Variants in JAG1 observed in about 807,000 individuals in gnomAD.
The protein encoded by JAG1 is protein jagged-1.
Under a neutral mutation model 148.7 loss-of-function variants are expected in JAG1, and 23 were observed. The observed-to-expected ratio is 0.15, with a 90% CI of 0.11 to 0.22. The LOEUF (loss-of-function observed/expected upper bound fraction) is 0.22. Ranked by LOEUF, JAG1 falls within the 10% of genes least tolerant of loss-of-function variation. The pLI is 1.00. For missense variants in JAG1, 1,054 were observed against 1,611.2 expected (o/e 0.65, Z 5.92); for synonymous variants, 572 against 598.3 (o/e 0.96, Z 0.64).
rs1317628159 is a variant in JAG1 at position 10,642,505 on chromosome 20, C to T, written c.2555G>A (p.Gly852Asp). 1.9e-6 allele frequency: 3 copies of T among 1,610,830 alleles called. No individual in the cohort carries two copies. Among genetic ancestry groups the T allele is most frequent in the Non-Finnish European group, 2.5e-6 (3 of 1,177,014 alleles). ...YRCVCPPGHS[G>D]AKCQEVSGRP... The stretch of plus-strand genomic sequence containing the variant: ...ACACATACCTTCCTGGCACTTGGCA[C>T]CACTGTGCCCTGGAGGGCAGACACA... The change falls in exon 21 of 26, where the codon GGT becomes GAT. Residue 852 changes from glycine to aspartate, a missense_variant. Coordinates refer to ENST00000254958, the MANE Select transcript of JAG1 (RefSeq NM_000214.3).
At chr20:10,655,373 C>T in intron 5 of JAG1, among the ~76,000 whole-genome samples, 1 of 152,140 alleles carries the variant, frequency 6.6e-6, no homozygotes, top group Non-Finnish European at 1.5e-5. Context: ...TAACAGCTCC[C>T]TTGTTAATTC....
intron 8 of JAG1, 97 bp downstream of exon 8, chr20:10,651,484 G>A (rs1286038691): frequency 1.0e-5 from 8 of 781,786 alleles, no homozygotes; most frequent in South Asian, 6.2e-5. Context: ...CTCTCTCACC[G>A]AGACATTCAC....
Position 10,643,766 on chromosome 20 carries a change from G to A in JAG1, c.2458+12C>T. The stretch of plus-strand genomic sequence containing the variant: ...AAAGCCATTGGGAAAACCAGACGGA[G>A]ACAGTCCTTACTTATTCTGCAGTCG... On this transcript the variant is annotated intron_variant, in intron 20 of 25. Coordinates refer to ENST00000254958, the MANE Select transcript of JAG1 (RefSeq NM_000214.3). The A allele has an allele frequency of 3.1e-6, 5 of 1,609,896 alleles. No individual in the cohort carries two copies. The highest frequency in any genetic ancestry group is 4.3e-6 in the Non-Finnish European group (5 of 1,176,158).
intron 2 of JAG1, among the ~76,000 whole-genome samples, chr20:10,672,014 A>C (rs1436300296): frequency 1.3e-5 from 2 of 151,814 alleles, no homozygotes; most frequent in Non-Finnish European, 2.9e-5. Flanking sequence ...GAACCGCTGG[A>C]AGTGAGGCCA....
Position 10,646,089 on chromosome 20 carries a change from G to A in JAG1, c.1886-5C>T. On this transcript the variant is annotated splice_polypyrimidine_tract_variant and splice_region_variant and intron_variant, in intron 14 of 25. Coordinates refer to ENST00000254958, the MANE Select transcript of JAG1 (RefSeq NM_000214.3). ...TGCTCTCACAGTCATTAATATCTAT[G>A]AAACAAAGTAAAGCAAAAAAAGAAC... 6.2e-7 allele frequency: 1 copy of A among 1,600,606 alleles called. No homozygotes were observed. The highest frequency in any genetic ancestry group is 8.6e-7 in the Non-Finnish European group (1 of 1,167,796).
intron 3 of JAG1, among the ~76,000 whole-genome samples, chr20:10,660,317 TGCAG>T (rs33962097): frequency 0.55 from 82,926 of 151,824 alleles, 22,808 homozygotes; most frequent in East Asian, 0.71. Context: ...CTGAACCACT[TGCAG>T]GCAGGTAACA....
intron 14 of JAG1, chr20:10,646,316 G>T: frequency 1.9e-6 from 1 of 526,906 alleles, no homozygotes; most frequent in Non-Finnish European, 3.4e-6. Flanking sequence ...ACCGGTACTA[G>T]GTGAAAGTGG....
chr20:10,649,130 T>A (rs746636246), intron 10 of JAG1, 23 bp from the exon 11 acceptor site: 9 of 1,540,288 alleles, frequency 5.8e-6, no homozygotes, highest in Non-Finnish European at 7.2e-6. Flanking sequence ...TAAGTCATCA[T>A]TTTAAAGAGG....
At chr20:10,668,102 A>AAAAAC (rs2067468809) in intron 2 of JAG1, among the ~76,000 whole-genome samples, 1 of 151,300 alleles carries the variant, frequency 6.6e-6, no homozygotes, top group Admixed American at 6.6e-5. Context: ...TAAAAAAAAA[A>AAAAAC]AAAAAAAAAA....
At chr20:10,653,028 G>A (rs2067357004) in intron 5 of JAG1, among the ~76,000 whole-genome samples, 1 of 152,112 alleles carries the variant, frequency 6.6e-6, no homozygotes. Context: ...TGCACAGAAA[G>A]TCATGACCCC....
chr20:10,652,363 T>G (rs1311322449), intron 6 of JAG1, 105 bp downstream of exon 6: 2 of 1,595,834 alleles, frequency 1.3e-6, no homozygotes, highest in African/African-American at 2.7e-5. Flanking sequence ...CACACAGCAT[T>G]CAAGGAGAAT....
At position 10,639,648 on chromosome 20, in the gene JAG1, C is replaced by G. The variant is rs138452567; in HGVS notation, c.3507G>C (p.Arg1169=). 1.7e-4 allele frequency: 279 copies of G among 1,614,096 alleles called. No homozygotes were observed. The highest frequency in any genetic ancestry group is 2.8e-5 in the Non-Finnish European group (33 of 1,180,042). Residue 1169 remains arginine, a synonymous_variant, in exon 26 of 26, where the codon CGG becomes CGC. Coordinates refer to ENST00000254958, the MANE Select transcript of JAG1 (RefSeq NM_000214.3). The part of the protein sequence containing the change: ...DDMDKHQQKA[R]FAKQPAYTLV... ...GCGTGTACGCCGGCTGCTTGGCAAA[C>G]CGGGCTTTCTGCTGGTGTTTGTCCA...
chr20:10,651,751 C>T, intron 7 of JAG1, 57 bp from the exon 8 acceptor site: 2 of 1,084,872 alleles, frequency 1.8e-6, no homozygotes, highest in Non-Finnish European at 2.8e-6. Context: ...TACCTCCCCA[C>T]ACCCCCCTCC....
chr20:10,657,978 G>A (rs769437552), intron 4 of JAG1, among the ~76,000 whole-genome samples: 8 of 152,206 alleles, frequency 5.3e-5, no homozygotes, highest in African/African-American at 4.8e-5. Context: ...AGTCTGAGAA[G>A]GGGATCTGGA....
In JAG1 at chr20:10,668,147, G is replaced by A. The variant is rs558563191; in HGVS notation, c.388-4133C>T. On this transcript the variant is annotated intron_variant, in intron 2 of 25. Transcript: ENST00000254958. The stretch of plus-strand genomic sequence containing the variant: ...GTCACAGGGCTGCTGTGGTCCATGC[G>A]GTAATCAGAAATCAGCAAAGAAGTC... 4.1e-5 allele frequency among the ~76,000 whole-genome samples: 6 copies of A among 147,834 alleles called. No homozygotes were observed. The South Asian group carries it at 6.4e-4, about 16-fold the overall frequency.
intron 3 of JAG1, among the ~76,000 whole-genome samples, chr20:10,659,085 G>A (rs192957987): frequency 1.4e-3 from 216 of 152,308 alleles, no homozygotes; most frequent in Non-Finnish European, 1.6e-3. Flanking sequence ...AAATGGAAGT[G>A]CTGAATCAGA....
At chr20:10,665,326 T>C (rs1388797929) in intron 2 of JAG1, among the ~76,000 whole-genome samples, 1 of 152,208 alleles carries the variant, frequency 6.6e-6, no homozygotes, top group African/African-American at 2.4e-5. Flanking sequence ...AGCCGAAATA[T>C]GTTTCATACT....
chr20:10,653,589 G>A (rs1287766110), intron 5 of JAG1, among the ~76,000 whole-genome samples: 52 of 149,778 alleles, frequency 3.5e-4, no homozygotes, highest in Non-Finnish European at 4.4e-5. Context: ...GGTGGAGGGT[G>A]GAGGGTGGGG....
At chr20:10,652,301 C>A (rs750401508) in intron 6 of JAG1, 51 bp from the exon 7 acceptor site, 35 of 1,610,838 alleles carry the variant, frequency 2.2e-5, no homozygotes, top group Admixed American at 1.5e-4. Context: ...AGATGGCGAA[C>A]CCACCATGTT....
Sources: gnomAD v4.1 joint callset for allele counts (sites outside exome capture counted in the v4.1 genomes callset) on GRCh38, gnomAD v4.1.1 for gene constraint, MANE v1.5 for transcripts, NCBI Gene and HGNC (gene_info 2026-07-23, HGNC 2026-07-21) for gene names.